Variants in CCSER1 observed in about 807,000 individuals in gnomAD.
CCSER1 encodes coiled-coil serine rich protein 1.
CCSER1 carries 41 observed loss-of-function variants against 82.0 expected under a neutral mutation model. That is an observed-to-expected ratio of 0.50 (90% confidence interval 0.39 to 0.65). The LOEUF (loss-of-function observed/expected upper bound fraction) is 0.65. CCSER1 is among the 30% of genes least tolerant of loss of function. The pLI is 0.00. For synonymous variants in CCSER1, 414 were observed against 383.9 expected, an observed-to-expected ratio of 1.08 and a Z score of -0.92; for missense variants, 1,119 against 1,064.2, an observed-to-expected ratio of 1.05 and a Z score of -0.72.
chr4:90,648,661 C>A (rs552043831), intron 6 of CCSER1, among the ~76,000 whole-genome samples: 230 of 152,224 alleles, frequency 1.5e-3, no homozygotes, highest in Non-Finnish European at 2.4e-3. Context: ...AGAGAATGCA[C>A]CATCTGCAAG....
At chr4:91,522,360 A>G (rs1254639908) in intron 10 of CCSER1, among the ~76,000 whole-genome samples, 1 of 151,972 alleles carries the variant, frequency 6.6e-6, no homozygotes, top group African/African-American at 2.4e-5. Flanking sequence ...TGGCTATGTG[A>G]GCTCTATTTT....
chr4:90,303,433 G>A (rs1245974638), intron 1 of CCSER1, among the ~76,000 whole-genome samples: 1 of 152,026 alleles, frequency 6.6e-6, no homozygotes, highest in African/African-American at 2.4e-5. Context: ...AAACAGCATG[G>A]TACTGGTACC....
intron 3 of CCSER1, among the ~76,000 whole-genome samples, chr4:90,339,260 A>C (rs1171574254): frequency 6.6e-6 from 1 of 152,078 alleles, no homozygotes; most frequent in Non-Finnish European, 1.5e-5. Context: ...GAATTTGACC[A>C]GTTCTCACCA....
intron 7 of CCSER1, among the ~76,000 whole-genome samples, chr4:90,766,177 G>T (rs1237503582): frequency 6.6e-6 from 1 of 152,120 alleles, no homozygotes; most frequent in African/African-American, 2.4e-5. Context: ...AAAGCAATCA[G>T]TGCCTATCAA....
chr4:91,579,195 G>A (rs1038223184), intron 10 of CCSER1, among the ~76,000 whole-genome samples: 1 of 151,082 alleles, frequency 6.6e-6, no homozygotes, highest in African/African-American at 2.4e-5. Flanking sequence ...TTAGGGTTTT[G>A]GAATACATAT....
Position 90,308,908 on chromosome 4 carries a change from A to T in CCSER1, c.624A>T (p.Glu208Asp), listed in dbSNP as rs1330834108. 9 of 1,613,822 alleles carry T rather than the reference A, an allele frequency of 5.6e-6. No individual in the cohort carries two copies. The highest frequency in any genetic ancestry group is 1.3e-5 in the African/African-American group (1 of 74,934). Residue 208 changes from glutamate (E) to aspartate (D), a missense_variant, in exon 2 of 11, where the codon GAA becomes GAT. Physicochemically the swap from Glu to Asp is conservative, Grantham distance 45. Transcript: ENST00000509176. ...SQSISLVQQS[E>D]FSLEVTQYQE... is the part of the protein sequence containing the mutation. The stretch of plus-strand genomic sequence containing the variant: ...CCATTTCATTGGTACAACAGTCTGA[A>T]TTCTCATTGGAAGTTACACAGTACC...
At chr4:91,569,138 G>T (rs1763039071) in intron 10 of CCSER1, among the ~76,000 whole-genome samples, 1 of 152,168 alleles carries the variant, frequency 6.6e-6, no homozygotes, top group Admixed American at 6.5e-5. Context: ...TTGGATCTTT[G>T]GAGCATGATA....
At chr4:90,373,432 T>A (rs1264206357) in intron 3 of CCSER1, among the ~76,000 whole-genome samples, 2 of 152,116 alleles carry the variant, frequency 1.3e-5, no homozygotes, top group Non-Finnish European at 2.9e-5. Context: ...CCAAACTTAA[T>A]ATGGTGCAAT....
At chr4:90,171,077 T>A (rs1433446121) in intron 1 of CCSER1, among the ~76,000 whole-genome samples, 1 of 151,746 alleles carries the variant, frequency 6.6e-6, no homozygotes, top group Non-Finnish European at 1.5e-5. Context: ...TTTATGCATT[T>A]ATGCCTGTTT....
intron 5 of CCSER1, among the ~76,000 whole-genome samples, chr4:90,508,377 C>A (rs1771006851): frequency 6.6e-6 from 1 of 151,612 alleles, no homozygotes; most frequent in Non-Finnish European, 1.5e-5. Context: ...GATTTTTTTT[C>A]ATTTAGACCT....
chr4:91,409,994 A>C (rs2149370161), intron 10 of CCSER1, among the ~76,000 whole-genome samples: 1 of 152,336 alleles, frequency 6.6e-6, no homozygotes, highest in Non-Finnish European at 1.5e-5. Context: ...ATTGACAGTA[A>C]GTTCCTTAAC....
chr4:91,275,574 G>C (rs113861836), intron 10 of CCSER1, among the ~76,000 whole-genome samples: 55 of 152,146 alleles, frequency 3.6e-4, no homozygotes, highest in South Asian at 1.2e-3. Flanking sequence ...CTGCATATTA[G>C]TTTCTTGTTT....
At chr4:91,543,965 C>A (rs762753950) in intron 10 of CCSER1, among the ~76,000 whole-genome samples, 1 of 152,184 alleles carries the variant, frequency 6.6e-6, no homozygotes, top group African/African-American at 2.4e-5. Flanking sequence ...GGTCTTTTCA[C>A]ATAGTCCCAT....
intron 10 of CCSER1, among the ~76,000 whole-genome samples, chr4:91,109,994 C>A (rs1725957630): frequency 6.6e-6 from 1 of 151,886 alleles, no homozygotes; most frequent in African/African-American, 2.4e-5. Flanking sequence ...TTTTATATAG[C>A]ACGTATTTTG....
At chr4:91,372,046 T>C (rs1750085820) in intron 10 of CCSER1, among the ~76,000 whole-genome samples, 1 of 152,216 alleles carries the variant, frequency 6.6e-6, no homozygotes, top group South Asian at 2.1e-4. Context: ...TAAAAATGTT[T>C]TGTAAAAATA....
At chr4:90,186,105 G>T (rs1477757176) in intron 1 of CCSER1, among the ~76,000 whole-genome samples, 1 of 151,940 alleles carries the variant, frequency 6.6e-6, no homozygotes, top group Non-Finnish European at 1.5e-5. Context: ...ATAAATCTTG[G>T]ATCTTGATCA....
At chr4:91,462,408 C>G (rs1756559723) in intron 10 of CCSER1, among the ~76,000 whole-genome samples, 1 of 152,032 alleles carries the variant, frequency 6.6e-6, no homozygotes, top group Non-Finnish European at 1.5e-5. Flanking sequence ...AGGAACAGCT[C>G]TAGTCTACAG....
chr4:91,184,513 G>T (rs1024042762), intron 10 of CCSER1, among the ~76,000 whole-genome samples: 1 of 152,170 alleles, frequency 6.6e-6, no homozygotes, highest in African/African-American at 2.4e-5. Context: ...CCATTTACTT[G>T]ATTTTTCTTA....
In CCSER1 at chr4:90,309,125, G is replaced by T; in HGVS notation, c.841G>T (p.Ala281Ser). 1 of 1,613,850 alleles carries T rather than the reference G, an allele frequency of 6.2e-7. No individual in the cohort carries two copies. The highest frequency in any genetic ancestry group is 8.5e-7 in the Non-Finnish European group (1 of 1,179,824). The change falls in exon 2 of 11, where the codon GCA (alanine) becomes TCA (serine). Residue 281 changes from alanine to serine, a missense_variant. Transcript: ENST00000509176. ...TGCATTTTCTAAAAGTGGAAGCATG[G>T]CATCCCACTGTGACAACTTTGGCCA... ...MDAFSKSGSMASHCDNFGHND... is the reference protein window; with the variant it reads ...MDAFSKSGSMSSHCDNFGHND...
Sources: allele counts gnomAD v4.1 joint callset (sites outside exome capture counted in the v4.1 genomes callset), GRCh38; gene constraint gnomAD v4.1.1; transcripts MANE v1.5; gene names NCBI Gene and HGNC (gene_info 2026-07-23, HGNC 2026-07-21).